Variants in TMEM109 observed in about 807,000 individuals in gnomAD.
TMEM109 encodes the protein transmembrane protein 109, also known as voltage-gated monoatomic cation channel TMEM109.
A neutral mutation model predicts 26.4 loss-of-function variants in TMEM109; 19 were observed. The observed-to-expected ratio is 0.72, with a 90% CI of 0.50 to 1.06. The LOEUF is 1.06. Among genes scored for constraint, TMEM109 ranks in the 50% least tolerant of loss-of-function variants. The pLI is 0.00. For synonymous variants in TMEM109, 129 were observed against 142.0 expected, an observed-to-expected ratio of 0.91 and a Z score of 0.65; for missense variants, 262 against 303.4, an observed-to-expected ratio of 0.86 and a Z score of 1.01.
rs866063054 is a variant in TMEM109 at position 60,921,942 on chromosome 11, C to A, written c.509C>A (p.Ala170Asp). Reference protein sequence around the residue: ...LWGLKLVIFLAGFVALMRSVP... With the variant: ...LWGLKLVIFLDGFVALMRSVP... ...GGCCTGAAGCTTGTCATCTTCCTGG[C>A]CGGCTTCGTGGCCCTGATGAGGTCG... is the stretch of plus-strand genomic sequence containing the variant. Residue 170 changes from alanine to aspartate, a missense_variant, in exon 4 of 4, where the codon GCC becomes GAC. Ala to Asp is a moderately radical substitution (Grantham distance 126). Transcript: ENST00000227525. 5.6e-6 allele frequency: 9 copies of A among 1,613,954 alleles called. No homozygotes were observed. The highest frequency in any genetic ancestry group is 1.3e-5 in the African/African-American group (1 of 74,954).
In TMEM109 at chr11:60,921,928, T is replaced by C. The variant is rs749838629; in HGVS notation, c.495T>C (p.Leu165=). The C allele has an allele frequency of 1.9e-6, 3 of 1,614,060 alleles. No individual in the cohort carries two copies. The highest frequency in any genetic ancestry group is 2.5e-6 in the Non-Finnish European group (3 of 1,180,044). The change falls in exon 4 of 4, where the codon CTT becomes CTC. Residue 165 remains leucine, a synonymous_variant. Transcript: ENST00000227525. ...LLGRILWGLK[L]VIFLAGFVAL... Reference sequence around the variant, plus strand: ...GGCGGATCCTGTGGGGCCTGAAGCTTGTCATCTTCCTGGCCGGCTTCGTGG... The same window carrying C: ...GGCGGATCCTGTGGGGCCTGAAGCTCGTCATCTTCCTGGCCGGCTTCGTGG...
rs1352914770 is a variant in TMEM109 at position 60,923,205 on chromosome 11, AG to A, written c.*1043del. 6.6e-6 allele frequency: 1 copy of A among 152,376 alleles called. No individual in the cohort carries two copies. Among genetic ancestry groups the A allele is most frequent in the Non-Finnish European group, 1.5e-5 (1 of 67,962 alleles). The allele number at this position is 152,376 out of a possible 1,614,324, so 9.4% of individuals were successfully genotyped here. On this transcript the variant is annotated 3_prime_UTR_variant, in exon 4 of 4. Transcript: ENST00000227525. ...GAGCTGCCAGCTGCCCCTCTCCACCAGGGTACCCTGTCTTGGTGGTTAGGGG... is the reference window on the plus strand; with the variant it reads ...GAGCTGCCAGCTGCCCCTCTCCACCAGGTACCCTGTCTTGGTGGTTAGGGG...
chr11:60,915,750 G>C (rs1177164355), intron 1 of TMEM109, among the ~76,000 whole-genome samples: 2 of 150,048 alleles, frequency 1.3e-5, no homozygotes, highest in East Asian at 1.9e-4. Context: ...TTGATTGGGA[G>C]GGGGGGGCGC....
intron 1 of TMEM109, chr11:60,918,958 G>A (rs1398457035): frequency 6.6e-6 from 1 of 152,454 alleles, no homozygotes; most frequent in Non-Finnish European, 1.5e-5. Flanking sequence ...GGTGATTCCA[G>A]TGAGCAGCCA....
intron 1 of TMEM109, among the ~76,000 whole-genome samples, chr11:60,915,813 C>T (rs1856167866): frequency 6.6e-6 from 1 of 152,196 alleles, no homozygotes; most frequent in Admixed American, 6.5e-5. Context: ...TAAGCAGTGG[C>T]GCCTTCTCAC....
intron 1 of TMEM109, among the ~76,000 whole-genome samples, chr11:60,916,347 T>A (rs1170588727): frequency 6.6e-6 from 1 of 152,264 alleles, no homozygotes; most frequent in Non-Finnish European, 1.5e-5. Flanking sequence ...TATGTATAGA[T>A]ATGTATAACA....
chr11:60,917,490 G>A (rs1325363782), intron 1 of TMEM109, among the ~76,000 whole-genome samples: 1 of 152,172 alleles, frequency 6.6e-6, no homozygotes, highest in Non-Finnish European at 1.5e-5. Context: ...CTTTTTCTTG[G>A]CTGATCCTTA....
rs984421181 is a variant in TMEM109 at position 60,923,358 on chromosome 11, T to C, written c.*1193T>C. Reference sequence around the variant, plus strand: ...ATGTGGAATCACAGCTGCAGTGATATATATTTTTTATCAGTGCTTGGTTGG... The same window carrying C: ...ATGTGGAATCACAGCTGCAGTGATACATATTTTTTATCAGTGCTTGGTTGG... On this transcript the variant is annotated 3_prime_UTR_variant, in exon 4 of 4. Transcript: ENST00000227525. 1.3e-5 allele frequency: 2 copies of C among 152,700 alleles called. No homozygotes were observed. The highest frequency in any genetic ancestry group is 1.9e-4 in the East Asian group (1 of 5,208). 9.5% of individuals were successfully genotyped at this position (152,700 alleles called of 1,614,324 possible). A position where few individuals can be genotyped will look rare whatever the true frequency, so the allele number is the denominator to read the frequency against.
chr11:60,921,631 T>C, intron 3 of TMEM109, 143 bp from the exon 4 acceptor site: 1 of 678,616 alleles, frequency 1.5e-6, no homozygotes, highest in Admixed American at 2.5e-5. Context: ...GAGCTGAGAT[T>C]CCAACCCATA....
chr11:60,920,568 G>A (rs574450357), intron 2 of TMEM109, among the ~76,000 whole-genome samples: 16 of 152,290 alleles, frequency 1.1e-4, no homozygotes, highest in East Asian at 3.9e-4. Flanking sequence ...GATTGTCTCC[G>A]TCATTCACAC....
chr11:60,920,381 A>C (rs751431170), intron 2 of TMEM109, among the ~76,000 whole-genome samples: 10 of 152,154 alleles, frequency 6.6e-5, no homozygotes, highest in Non-Finnish European at 1.2e-4. Context: ...CATACTTTTG[A>C]TAGGCTGGAC....
At chr11:60,915,085 G>A (rs549580376) in intron 1 of TMEM109, among the ~76,000 whole-genome samples, 1 of 152,330 alleles carries the variant, frequency 6.6e-6, no homozygotes, top group East Asian at 1.9e-4. Flanking sequence ...CCTACTAGGC[G>A]CTGGGGATTC....
chr11:60,920,529 G>C (rs2134880930), intron 2 of TMEM109, among the ~76,000 whole-genome samples: 1 of 152,296 alleles, frequency 6.6e-6, no homozygotes, highest in Admixed American at 6.5e-5. Context: ...CAGGCCTCCA[G>C]TTTTATAGGG....
chr11:60,922,618 A>C lies in TMEM109; in HGVS notation c.*453A>C. ...CCCTTCTTGTTTTCCTCATCCTCCT[A>C]CCCTGTACTCCCACCAAACCATGGT... On this transcript the variant is annotated 3_prime_UTR_variant, in exon 4 of 4. Coordinates refer to ENST00000227525, the MANE Select transcript of TMEM109 (RefSeq NM_024092.3). 2.9e-6 allele frequency: 1 copy of C among 346,542 alleles called. No individual in the cohort carries two copies. The highest frequency in any genetic ancestry group is 5.7e-6 in the Non-Finnish European group (1 of 176,066). The allele number at this position is 346,542 out of a possible 1,614,324, so 21.5% of individuals were successfully genotyped here. A position where few individuals can be genotyped will look rare whatever the true frequency, so the allele number is the denominator to read the frequency against.
intron 1 of TMEM109, among the ~76,000 whole-genome samples, chr11:60,915,500 C>T (rs1856163336): frequency 6.6e-6 from 1 of 152,218 alleles, no homozygotes; most frequent in Non-Finnish European, 1.5e-5. Context: ...GGCTGAGTCC[C>T]TCTCTGGAAG....
At chr11:60,920,248 C>G (rs1240055371) in intron 2 of TMEM109, among the ~76,000 whole-genome samples, 1 of 152,140 alleles carries the variant, frequency 6.6e-6, no homozygotes, top group Non-Finnish European at 1.5e-5. Flanking sequence ...GACCTAGAAT[C>G]TCGAAATGGC....
At position 60,921,892 on chromosome 11, in the gene TMEM109, G is replaced by A; in HGVS notation, c.459G>A (p.Leu153=). The change falls in exon 4 of 4, where the codon TTG becomes TTA. Residue 153 remains leucine, a synonymous_variant. Transcript: ENST00000227525. ...WLLSLLLGLV[L]ALLGRILWGL... The stretch of plus-strand genomic sequence containing the variant: ...TGTCTCTGCTCCTCGGCTTGGTCTT[G>A]GCCTTGCTGGGGCGGATCCTGTGGG... 6.2e-7 allele frequency: 1 copy of A among 1,614,188 alleles called. No individual in the cohort carries two copies. The highest frequency in any genetic ancestry group is 1.3e-5 in the African/African-American group (1 of 75,068).
intron 2 of TMEM109, 37 bp from the exon 3 acceptor site, chr11:60,920,849 C>A: frequency 1.3e-6 from 2 of 1,557,398 alleles, no homozygotes; most frequent in South Asian, 1.1e-5. Context: ...GACCGTTGTT[C>A]ATTATGAACT....
rs1261529791 is a variant in TMEM109 at position 60,919,670 on chromosome 11, G to C, written c.-8-16G>C. 5 of 1,603,832 alleles carry C rather than the reference G, an allele frequency of 3.1e-6. No individual in the cohort carries two copies. The highest frequency in any genetic ancestry group is 3.4e-6 in the Non-Finnish European group (4 of 1,170,716). ...TCTACCATGGCACTCAGCTCACTGT[G>C]CTTCTCTCCTGGCAGACCCAGTCAT... On this transcript the variant is annotated splice_polypyrimidine_tract_variant and intron_variant, in intron 1 of 3. Transcript: ENST00000227525.
Sources: gnomAD v4.1 joint callset for allele counts (sites outside exome capture counted in the v4.1 genomes callset) on GRCh38, gnomAD v4.1.1 for gene constraint, MANE v1.5 for transcripts, NCBI Gene and HGNC (gene_info 2026-07-23, HGNC 2026-07-21) for gene names.